SGK1: variants seen among roughly 807,000 people sequenced by gnomAD.
SGK1 encodes serine/threonine-protein kinase Sgk1.
In SGK1, 26 loss-of-function variants were observed where a neutral mutation model predicts 64.2. The ratio of observed to expected loss-of-function variants is 0.40; its 90% CI spans 0.30 to 0.56. The LOEUF is 0.56. Ranked by LOEUF, SGK1 falls within the 20% of genes least tolerant of loss-of-function variation. SGK1 has a pLI of 0.38. For missense variants in SGK1, 519 were observed against 645.6 expected (o/e 0.80, Z 2.12); for synonymous variants, 265 against 239.7 (o/e 1.11, Z -0.98).
intron 1 of SGK1, among the ~76,000 whole-genome samples, chr6:134,265,182 G>T (rs571363756): frequency 3.7e-4 from 57 of 152,080 alleles, no homozygotes; most frequent in Admixed American, 1.6e-3. Flanking sequence ...ACTATAGGCC[G>T]GGTGCAGTGG....
At chr6:134,174,850 G>T (rs1053439133) in intron 3 of SGK1, 1 of 1,612,728 alleles carries the variant, frequency 6.2e-7, no homozygotes, top group Admixed American at 1.7e-5. Context: ...CTCAAAGACC[G>T]GCTCGGCGTA....
chr6:134,279,705 C>A (rs1449297762), intron 1 of SGK1, among the ~76,000 whole-genome samples: 1 of 151,982 alleles, frequency 6.6e-6, no homozygotes, highest in Non-Finnish European at 1.5e-5. Context: ...TGAAATTTTA[C>A]AAGGATAGGT....
intron 3 of SGK1, among the ~76,000 whole-genome samples, chr6:134,206,364 TATATATATATA>T (rs1775776374): frequency 1.3e-4 from 1 of 7,802 alleles, no homozygotes; most frequent in Non-Finnish European, 4.1e-4. Flanking sequence ...TATATATATA[TATATATATATA>T]TATATATATT....
rs977799917 is a variant in SGK1, at chr6:134,172,091, C to T, written c.1071+102G>A. The T allele has an allele frequency of 7.1e-5, 92 of 1,294,034 alleles. No individual in the cohort carries two copies. The African/African-American group carries it at 1.2e-3, about 17-fold the overall frequency. 80.2% of individuals were successfully genotyped at this position (1,294,034 alleles called of 1,614,324 possible). A position where few individuals can be genotyped will look rare whatever the true frequency, so the allele number is the denominator to read the frequency against. ...TTTGCACTGAACTGTATTAAGAAGT[C>T]TCTGAGAGGAGTTTACTCTTTTTGG... On this transcript the variant is annotated intron_variant, in intron 10 of 13. Transcript: ENST00000367858.
intron 3 of SGK1, among the ~76,000 whole-genome samples, chr6:134,182,730 C>T (rs975169686): frequency 1.1e-4 from 16 of 152,292 alleles, no homozygotes; most frequent in African/African-American, 1.9e-4. Context: ...TGGGCCAAGG[C>T]GAGGCCTATG....
At chr6:134,227,063 C>T (rs72972280) in intron 2 of SGK1, among the ~76,000 whole-genome samples, 3,379 of 152,276 alleles carry the variant, frequency 0.022, 63 homozygotes, top group Non-Finnish European at 0.036. Context: ...TCCTGCCCAG[C>T]TTAGTGGTAG....
rs561939201 is a variant in SGK1, at chr6:134,255,831, C to G, written c.285+6102G>C. On this transcript the variant is annotated intron_variant, in intron 2 of 13. Transcript: ENST00000367858. ...AACTCCTGACCTCAGGTGATCTGCC[C>G]TCCTCGACCTCCAAAAGTGCTGGGA... Among the ~76,000 whole-genome samples, 4 of 151,894 alleles carry G rather than the reference C, an allele frequency of 2.6e-5. No individual in the cohort carries two copies. In the South Asian group the frequency reaches 8.3e-4, roughly 32 times the overall value.
At chr6:134,255,850 G>A (rs1317953739) in intron 2 of SGK1, among the ~76,000 whole-genome samples, 1 of 152,056 alleles carries the variant, frequency 6.6e-6, no homozygotes, top group Non-Finnish European at 1.5e-5. Context: ...CTCCAAAAGT[G>A]CTGGGATTAC....
At chr6:134,224,245 G>A (rs1274452603) in intron 2 of SGK1, among the ~76,000 whole-genome samples, 2 of 152,168 alleles carry the variant, frequency 1.3e-5, no homozygotes, top group South Asian at 2.1e-4. Flanking sequence ...CATACATCTC[G>A]ACAATGATTC....
intron 1 of SGK1, among the ~76,000 whole-genome samples, chr6:134,292,151 A>G (rs1448273348): frequency 1.3e-5 from 2 of 152,104 alleles, no homozygotes; most frequent in Admixed American, 6.6e-5. Flanking sequence ...GAAATTGTAC[A>G]CTCTTAGAGG....
chr6:134,300,517 A>C (rs1433909152), intron 1 of SGK1, among the ~76,000 whole-genome samples: 1 of 134,028 alleles, frequency 7.5e-6, no homozygotes, highest in Non-Finnish European at 1.6e-5. Context: ...CAGCCTGGGC[A>C]ACAGCGCAAG....
chr6:134,277,585 A>G (rs538760216), intron 1 of SGK1, among the ~76,000 whole-genome samples: 110 of 152,188 alleles, frequency 7.2e-4, no homozygotes, highest in Non-Finnish European at 1.3e-3. Context: ...ACTATAAAAT[A>G]AGACAGAGTG....
chr6:134,210,834 A>AAAT (rs59053070), intron 2 of SGK1, among the ~76,000 whole-genome samples: 4,146 of 142,858 alleles, frequency 0.029, 221 homozygotes, highest in African/African-American at 0.11. Context: ...AAAAAAAAAA[A>AAAT]TTTTAAAAGG....
intron 3 of SGK1, among the ~76,000 whole-genome samples, chr6:134,190,357 C>G (rs1775491035): frequency 6.7e-6 from 1 of 150,220 alleles, no homozygotes; most frequent in Admixed American, 6.7e-5. Context: ...ATGATCTCGG[C>G]TCACTGCAAA....
chr6:134,226,616 C>A (rs1776184637), intron 2 of SGK1, among the ~76,000 whole-genome samples: 1 of 151,622 alleles, frequency 6.6e-6, no homozygotes, highest in African/African-American at 2.4e-5. Flanking sequence ...ATCGCCTAAG[C>A]CTCGGAAGTT....
At chr6:134,204,852 C>A (rs1260646082) in intron 3 of SGK1, among the ~76,000 whole-genome samples, 7 of 152,172 alleles carry the variant, frequency 4.6e-5, no homozygotes, top group Non-Finnish European at 8.8e-5. Context: ...CCACACCCAG[C>A]CCGTAACATA....
intron 2 of SGK1, among the ~76,000 whole-genome samples, chr6:134,258,624 G>A (rs527324164): frequency 6.6e-6 from 1 of 152,162 alleles, no homozygotes; most frequent in South Asian, 2.1e-4. Context: ...AGAATCACTT[G>A]AACCTGGGAG....
At chr6:134,218,951 G>C (rs1458083830) in intron 2 of SGK1, among the ~76,000 whole-genome samples, 1 of 151,996 alleles carries the variant, frequency 6.6e-6, no homozygotes, top group Non-Finnish European at 1.5e-5. Context: ...ATGGAACACA[G>C]CTTTTCAATG....
At chr6:134,206,364 TATATATATATATATATATA>T (rs1350820488) in intron 3 of SGK1, among the ~76,000 whole-genome samples, 29 of 7,782 alleles carry the variant, frequency 3.7e-3, no homozygotes, top group African/African-American at 8.6e-3. Flanking sequence ...TATATATATA[TATATATATATATATATATA>T]TTTTTTTTTT....
Sources: gnomAD v4.1 joint callset for allele counts (sites outside exome capture counted in the v4.1 genomes callset) on GRCh38, gnomAD v4.1.1 for gene constraint, MANE v1.5 for transcripts, NCBI Gene and HGNC (gene_info 2026-07-23, HGNC 2026-07-21) for gene names.